The following CFAP54 variants were observed in gnomAD, a reference collection of about 807,000 sequenced individuals.
The protein encoded by CFAP54 is cilia and flagella associated protein 54.
A neutral mutation model predicts 370.4 loss-of-function variants in CFAP54; 290 were observed. The ratio of observed to expected loss-of-function variants is 0.78; its 90% confidence interval spans 0.71 to 0.86. CFAP54 has a LOEUF of 0.86. Ranked by LOEUF, CFAP54 falls within the 40% of genes least tolerant of loss-of-function variation. CFAP54 has a pLI of 0.00. For synonymous variants in CFAP54, 1,206 were observed against 1,236.5 expected (o/e 0.98, Z 0.52); for missense variants, 3,399 against 3,528.7 (o/e 0.96, Z 0.93).
chr12:96,813,721 G>A (rs2136730045), intron 64 of CFAP54, among the ~76,000 whole-genome samples: 1 of 152,304 alleles, frequency 6.6e-6, no homozygotes, highest in East Asian at 1.9e-4. Flanking sequence ...ACTTACAACT[G>A]GGTCCTGCCC....
intron 20 of CFAP54, 66 bp downstream of exon 20, chr12:96,576,827 T>C (rs949769589): frequency 7.7e-7 from 1 of 1,301,946 alleles, no homozygotes; most frequent in African/African-American, 1.5e-5. Context: ...ACTACCATGA[T>C]TCATACTTTG....
intron 39 of CFAP54, 103 bp downstream of exon 39, chr12:96,664,035 T>A: frequency 1.1e-6 from 1 of 888,292 alleles, no homozygotes. Context: ...TGTAAAAATG[T>A]ATTTTGCAGG....
intron 47 of CFAP54, among the ~76,000 whole-genome samples, chr12:96,707,450 C>T (rs916357753): frequency 2.6e-5 from 4 of 151,818 alleles, no homozygotes; most frequent in African/African-American, 7.3e-5. Context: ...AGGGTTAAGA[C>T]GTAGGGATGG....
At chr12:96,872,653 A>C (rs1195168094) in intron 67 of CFAP54, among the ~76,000 whole-genome samples, 2 of 152,248 alleles carry the variant, frequency 1.3e-5, no homozygotes, top group Non-Finnish European at 2.9e-5. Context: ...TTTAACATCT[A>C]GTACAGTAAT....
chr12:96,548,530 C>T (rs1170753694), intron 15 of CFAP54, among the ~76,000 whole-genome samples: 4 of 152,092 alleles, frequency 2.6e-5, no homozygotes, highest in South Asian at 2.1e-4. Context: ...AGTCAAATGC[C>T]ATCATGAATG....
At chr12:96,863,659 A>T in intron 67 of CFAP54, among the ~76,000 whole-genome samples, 1 of 152,178 alleles carries the variant, frequency 6.6e-6, no homozygotes, top group Non-Finnish European at 1.5e-5. Context: ...GGCCGATTTT[A>T]AAAAATGACT....
At chr12:96,857,059 G>A (rs1272211827) in intron 66 of CFAP54, among the ~76,000 whole-genome samples, 2 of 152,190 alleles carry the variant, frequency 1.3e-5, no homozygotes, top group Non-Finnish European at 2.9e-5. Flanking sequence ...AGTGCAGAGT[G>A]AGGTGAGGGA....
intron 66 of CFAP54, among the ~76,000 whole-genome samples, chr12:96,835,060 G>C (rs373179046): frequency 1.3e-5 from 2 of 152,052 alleles, no homozygotes; most frequent in Non-Finnish European, 2.9e-5. Flanking sequence ...GCAGAGAGGA[G>C]GCTGTGGAGT....
intron 42 of CFAP54, among the ~76,000 whole-genome samples, chr12:96,688,219 T>C (rs1273686448): frequency 6.6e-6 from 1 of 152,234 alleles, no homozygotes; most frequent in Non-Finnish European, 1.5e-5. Context: ...CAAACTCTTC[T>C]TCTAAGGGAC....
intron 39 of CFAP54, among the ~76,000 whole-genome samples, chr12:96,668,115 T>A (rs1309787604): frequency 6.6e-6 from 1 of 152,228 alleles, no homozygotes; most frequent in Admixed American, 6.5e-5. Flanking sequence ...CTCTAGGAAG[T>A]TCCAGACTTT....
chr12:96,626,882 A>C lies in CFAP54; in HGVS notation c.4046A>C (p.Glu1349Ala), dbSNP rs1956554753. 1 of 1,433,186 alleles carries C rather than the reference A, an allele frequency of 7.0e-7. No individual in the cohort carries two copies. Among genetic ancestry groups the C allele is most frequent in the Admixed American group, 2.4e-5 (1 of 42,404 alleles). The allele number at this position is 1,433,186 out of a possible 1,614,324, so 88.8% of individuals were successfully genotyped here. Residue 1349 changes from glutamate to alanine, a missense_variant, in exon 30 of 68, where the codon GAG becomes GCG. Physicochemically the swap from Glu to Ala is moderately radical, Grantham distance 107. Transcript: ENST00000524981. The part of the protein sequence containing the change: ...FTQVMLKCMN[E>A]EKFHLMVEVT... ...CAAGTTATGCTAAAATGCATGAATG[A>C]GGAAAAATTTCATCTTATGGTAGAG...
rs575246192 is a variant in CFAP54, at chr12:96,717,348, C to T, written c.6725-1095C>T. Among the ~76,000 whole-genome samples the T allele has an allele frequency of 1.3e-4, 20 of 152,238 alleles. No homozygotes were observed. The South Asian group carries it at 4.2e-3, about 32-fold the overall frequency. Reference sequence around the variant, plus strand: ...TAGCCCTCCCTCATCCTCAGCTGACCCCTAGATTCAGACCCTCATAATTTA... The same window carrying T: ...TAGCCCTCCCTCATCCTCAGCTGACTCCTAGATTCAGACCCTCATAATTTA... On this transcript the variant is annotated intron_variant, in intron 48 of 67. Coordinates refer to ENST00000524981, the MANE Select transcript of CFAP54 (RefSeq NM_001306084.2).
At chr12:96,556,758 T>G (rs1329551138) in intron 17 of CFAP54, among the ~76,000 whole-genome samples, 2 of 152,176 alleles carry the variant, frequency 1.3e-5, no homozygotes, top group Non-Finnish European at 2.9e-5. Flanking sequence ...TGCAGGAACA[T>G]GGATGGAGCT....
intron 50 of CFAP54, among the ~76,000 whole-genome samples, chr12:96,735,719 A>C (rs1305258181): frequency 6.6e-6 from 1 of 152,208 alleles, no homozygotes; most frequent in African/African-American, 2.4e-5. Flanking sequence ...AAATTATGAA[A>C]TTCTTCATCC....
chr12:96,868,093 C>T lies in CFAP54; in HGVS notation c.*15-7025C>T, dbSNP rs557591300. ...CCTCAAGTCTTCATTCCGGACTCAA[C>T]CCAGACGTCTCCTCCACCATGGAAC... On this transcript the variant is annotated intron_variant, in intron 67 of 67. Coordinates refer to ENST00000524981, the MANE Select transcript of CFAP54 (RefSeq NM_001306084.2). Among the ~76,000 whole-genome samples the T allele has an allele frequency of 1.4e-4, 22 of 152,208 alleles. 1 individual carries two copies. In the South Asian group the frequency reaches 4.4e-3, roughly 30 times the overall value.
At chr12:96,864,383 ATTGC>A (rs1391346278) in intron 67 of CFAP54, among the ~76,000 whole-genome samples, 1 of 152,110 alleles carries the variant, frequency 6.6e-6, no homozygotes, top group Non-Finnish European at 1.5e-5. Context: ...CCTCCAAGAG[ATTGC>A]TTTAGAAATT....
intron 42 of CFAP54, among the ~76,000 whole-genome samples, chr12:96,685,496 T>C (rs1293558405): frequency 6.6e-6 from 1 of 152,144 alleles, no homozygotes; most frequent in Non-Finnish European, 1.5e-5. Flanking sequence ...TACTCATGGA[T>C]CCCAAGTGCC....
intron 65 of CFAP54, among the ~76,000 whole-genome samples, chr12:96,822,408 G>A (rs1162788313): frequency 6.6e-6 from 1 of 152,140 alleles, no homozygotes; most frequent in Non-Finnish European, 1.5e-5. Flanking sequence ...TATATAGGGA[G>A]TATATCCCAA....
chr12:96,684,081 C>T (rs1470743981), intron 40 of CFAP54, among the ~76,000 whole-genome samples: 1 of 152,174 alleles, frequency 6.6e-6, no homozygotes, highest in Non-Finnish European at 1.5e-5. Flanking sequence ...CATGAGCTAC[C>T]TTGCCTGTCC....
Sources: gnomAD v4.1 joint callset for allele counts (sites outside exome capture counted in the v4.1 genomes callset) on GRCh38, gnomAD v4.1.1 for gene constraint, MANE v1.5 for transcripts, NCBI Gene and HGNC (gene_info 2026-07-23, HGNC 2026-07-21) for gene names.